Variants in MAP2 observed in about 807,000 individuals in gnomAD.
The protein encoded by MAP2 is microtubule associated protein 2.
In MAP2, 14 loss-of-function variants were observed where a neutral mutation model predicts 137.6. The ratio of observed to expected loss-of-function variants is 0.10; its 90% CI spans 0.07 to 0.16. MAP2 has a LOEUF of 0.16. MAP2 is among the 10% of genes least tolerant of loss of function. The pLI is 1.00. For synonymous variants in MAP2, 786 were observed against 782.3 expected (o/e 1.00, Z -0.08); for missense variants, 2,088 against 2,191.5 (o/e 0.95, Z 0.94).
At chr2:209,484,234 C>T (rs554246538) in intron 1 of MAP2, among the ~76,000 whole-genome samples, 4 of 152,308 alleles carry the variant, frequency 2.6e-5, no homozygotes, top group Non-Finnish European at 5.9e-5. Context: ...TAGAAAGGCA[C>T]AGACTGACTT....
chr2:209,676,316 T>C (rs181663740), intron 5 of MAP2, among the ~76,000 whole-genome samples: 105 of 151,782 alleles, frequency 6.9e-4, no homozygotes, highest in Admixed American at 1.2e-3. Flanking sequence ...CAATTATAAG[T>C]GGGAGCTAAA....
Position 209,601,574 on chromosome 2 carries a change from A to G in MAP2, c.-107+21474A>G, listed in dbSNP as rs146025920. Among the ~76,000 whole-genome samples, 4 of 152,322 alleles carry G rather than the reference A, an allele frequency of 2.6e-5. No individual in the cohort carries two copies. The East Asian group carries it at 7.7e-4, about 29-fold the overall frequency. ...CAGTGAGCTTGCAAATCAATAGGCT[A>G]TAAAGGGGTGGTCCTGGGTGTTTTT... On this transcript the variant is annotated intron_variant, in intron 3 of 15. Coordinates refer to ENST00000682079, the MANE Select transcript of MAP2 (RefSeq NM_001375505.1).
At chr2:209,567,143 A>T (rs954999469) in intron 2 of MAP2, among the ~76,000 whole-genome samples, 1 of 152,146 alleles carries the variant, frequency 6.6e-6, no homozygotes, top group African/African-American at 2.4e-5. Context: ...CAGTGACAAC[A>T]TATCTTCCTC....
intron 11 of MAP2, among the ~76,000 whole-genome samples, chr2:209,702,132 G>T (rs2061939680): frequency 6.6e-6 from 1 of 151,978 alleles, no homozygotes. Context: ...AAATAAGTCT[G>T]ACCTTTCCTC....
intron 5 of MAP2, among the ~76,000 whole-genome samples, chr2:209,672,815 T>C (rs1024357288): frequency 6.6e-6 from 1 of 151,898 alleles, no homozygotes; most frequent in Non-Finnish European, 1.5e-5. Flanking sequence ...TATAACAGTG[T>C]GATGTTTATT....
chr2:209,501,594 G>T (rs568301968), intron 1 of MAP2, among the ~76,000 whole-genome samples: 1 of 152,248 alleles, frequency 6.6e-6, no homozygotes, highest in South Asian at 2.1e-4. Flanking sequence ...AAGCTGCCTG[G>T]AAGCAGATGC....
rs77860658 is a variant in MAP2 at position 209,643,596 on chromosome 2, A to C, written c.-29-9546A>C. Among the ~76,000 whole-genome samples, 689 of 152,378 alleles carry C rather than the reference A, an allele frequency of 4.5e-3. 9 individuals are homozygous for C. The highest frequency in any genetic ancestry group is 0.015 in the African/African-American group (641 of 41,600). ...TTTTAATCAAGTGTACTTCTATCAC[A>C]AACCATTAATGAATGCTAAGGGGTG... On this transcript the variant is annotated intron_variant, in intron 4 of 15. Transcript: ENST00000682079.
At chr2:209,478,279 C>T (rs954684947) in intron 1 of MAP2, among the ~76,000 whole-genome samples, 1 of 152,058 alleles carries the variant, frequency 6.6e-6, no homozygotes, top group African/African-American at 2.4e-5. Flanking sequence ...CTCCTGTGAC[C>T]CTTAGCAAGT....
At chr2:209,532,240 G>GAA (rs796126529) in intron 2 of MAP2, among the ~76,000 whole-genome samples, 66 of 72,680 alleles carry the variant, frequency 9.1e-4, no homozygotes, top group African/African-American at 1.8e-3. Flanking sequence ...CCAGTCTCAG[G>GAA]AAAAAAAAAA....
At chr2:209,439,116 T>C (rs781676275) in intron 1 of MAP2, among the ~76,000 whole-genome samples, 14 of 151,494 alleles carry the variant, frequency 9.2e-5, no homozygotes, top group Non-Finnish European at 1.9e-4. Context: ...TAAAGTTTCT[T>C]CTCTAATTCC....
At chr2:209,450,084 G>T (rs1305267913) in intron 1 of MAP2, among the ~76,000 whole-genome samples, 2 of 152,146 alleles carry the variant, frequency 1.3e-5, no homozygotes, top group Non-Finnish European at 2.9e-5. Context: ...TGGGACTACA[G>T]ACATGTACCA....
chr2:209,481,860 G>A lies in MAP2; in HGVS notation c.-221-25732G>A, dbSNP rs540025220. 3.3e-5 allele frequency among the ~76,000 whole-genome samples: 5 copies of A among 152,268 alleles called. No homozygotes were observed. The East Asian group carries it at 5.8e-4, about 18-fold the overall frequency. On this transcript the variant is annotated intron_variant, in intron 1 of 15. Transcript: ENST00000682079. The stretch of plus-strand genomic sequence containing the variant: ...TATTGAGCATGTATTAGCTCACCAC[G>A]TAGCATACATGAAAGGACAGCCAGC...
chr2:209,554,923 A>G (rs1471610538), intron 2 of MAP2, among the ~76,000 whole-genome samples: 1 of 147,874 alleles, frequency 6.8e-6, no homozygotes, highest in Non-Finnish European at 1.5e-5. Context: ...TACACATTTT[A>G]TGTATCTATC....
chr2:209,527,861 A>T (rs936620879), intron 2 of MAP2, among the ~76,000 whole-genome samples: 9 of 152,180 alleles, frequency 5.9e-5, no homozygotes, highest in Non-Finnish European at 8.8e-5. Flanking sequence ...AGTAATTCTG[A>T]TGCTGAAGTT....
At position 209,732,146 on chromosome 2, in the gene MAP2, G is replaced by T. The variant is rs553752167; in HGVS notation, c.*1749G>T. The T allele has an allele frequency of 6.6e-6, 1 of 152,194 alleles. No individual in the cohort carries two copies. The highest frequency in any genetic ancestry group is 1.5e-5 in the Non-Finnish European group (1 of 68,042). 9.4% of individuals were successfully genotyped at this position (152,194 alleles called of 1,614,324 possible). A position where few individuals can be genotyped will look rare whatever the true frequency, so the allele number is the denominator to read the frequency against. On this transcript the variant is annotated 3_prime_UTR_variant, in exon 16 of 16. Transcript: ENST00000682079. Reference sequence around the variant, plus strand: ...ATTAAAATCAAATGGTCCACTAGGCGTATGATCTCTTTGAGCCAAATCAGT... The same window carrying T: ...ATTAAAATCAAATGGTCCACTAGGCTTATGATCTCTTTGAGCCAAATCAGT...
intron 4 of MAP2, among the ~76,000 whole-genome samples, chr2:209,647,535 T>C (rs1168868797): frequency 6.6e-6 from 1 of 152,206 alleles, no homozygotes; most frequent in Non-Finnish European, 1.5e-5. Flanking sequence ...ACAGTTTTAT[T>C]ATGCTGATAT....
intron 1 of MAP2, among the ~76,000 whole-genome samples, chr2:209,484,774 G>A (rs2058165633): frequency 6.6e-6 from 1 of 152,194 alleles, no homozygotes; most frequent in African/African-American, 2.4e-5. Context: ...TACTTATTTT[G>A]TGCTTTTATT....
intron 5 of MAP2, among the ~76,000 whole-genome samples, chr2:209,659,272 A>T (rs781544156): frequency 3.3e-5 from 5 of 151,986 alleles, no homozygotes; most frequent in African/African-American, 4.8e-5. Context: ...TCTTGCTCTC[A>T]GGATTAATTT....
chr2:209,708,608 A>T (rs535057104), intron 12 of MAP2, among the ~76,000 whole-genome samples: 4 of 152,298 alleles, frequency 2.6e-5, no homozygotes, highest in Admixed American at 2.6e-4. Context: ...TATATTTATG[A>T]TCAATTGCAT....
Sources: allele counts gnomAD v4.1 joint callset (sites outside exome capture counted in the v4.1 genomes callset), GRCh38; gene constraint gnomAD v4.1.1; transcripts MANE v1.5; gene names NCBI Gene and HGNC (gene_info 2026-07-23, HGNC 2026-07-21).